Variants in DTD1 observed in about 807,000 individuals in gnomAD.
DTD1 encodes the protein D-tyrosyl-tRNA deacylase 1 homolog.
In DTD1, 13 loss-of-function variants were observed where a neutral mutation model predicts 25.6. The ratio of observed to expected loss-of-function variants is 0.51; its 90% CI spans 0.33 to 0.81. The LOEUF is 0.81. DTD1 is among the 30% of genes least tolerant of loss of function. The pLI is 0.02. For synonymous variants in DTD1, 110 were observed against 103.6 expected, an observed-to-expected ratio of 1.06 and a Z score of -0.37; for missense variants, 193 against 266.4, an observed-to-expected ratio of 0.72 and a Z score of 1.92.
At chr20:18,730,120 T>C (rs1376148106) in intron 4 of DTD1, among the ~76,000 whole-genome samples, 1 of 152,164 alleles carries the variant, frequency 6.6e-6, no homozygotes, top group African/African-American at 2.4e-5. Flanking sequence ...TGGTTTTTGT[T>C]TACTGCAGCC....
At chr20:18,639,864 TCA>T (rs1234573986) in intron 4 of DTD1, among the ~76,000 whole-genome samples, 1 of 152,174 alleles carries the variant, frequency 6.6e-6, no homozygotes, top group Non-Finnish European at 1.5e-5. Flanking sequence ...AACATGATAC[TCA>T]CATAATATCC....
intron 3 of DTD1, among the ~76,000 whole-genome samples, chr20:18,624,496 T>C (rs2060749427): frequency 6.6e-6 from 1 of 152,120 alleles, no homozygotes; most frequent in Admixed American, 6.5e-5. Context: ...AGAAGCCACC[T>C]CCCCTGCTGT....
chr20:18,726,625 T>C (rs930512926), intron 4 of DTD1, among the ~76,000 whole-genome samples: 1 of 152,214 alleles, frequency 6.6e-6, no homozygotes, highest in Non-Finnish European at 1.5e-5. Flanking sequence ...CTAGGAATTC[T>C]ACTCCTTGTT....
Position 18,758,196 on chromosome 20 carries a change from A to G in DTD1, c.*20-5164A>G, listed in dbSNP as rs1264629856. Among the ~76,000 whole-genome samples, 4 of 151,836 alleles carry G rather than the reference A, an allele frequency of 2.6e-5. No individual in the cohort carries two copies. In the South Asian group the frequency reaches 6.2e-4, roughly 24 times the overall value. The stretch of plus-strand genomic sequence containing the variant: ...TATTAGTCTTGCTAGCGGTCTATCA[A>G]TTTTGTTGATCTTTTCAAAAAACCA... On this transcript the variant is annotated intron_variant, in intron 5 of 5. Transcript: ENST00000377452.
chr20:18,754,056 TA>T (rs1022307586), intron 5 of DTD1, among the ~76,000 whole-genome samples: 153 of 145,980 alleles, frequency 1.0e-3, no homozygotes, highest in Middle Eastern at 3.5e-3. Context: ...AATAAATAGG[TA>T]AAAAAAAAAA....
chr20:18,626,243 C>G (rs151107733), intron 3 of DTD1, among the ~76,000 whole-genome samples: 1 of 152,068 alleles, frequency 6.6e-6, no homozygotes, highest in Admixed American at 6.6e-5. Context: ...AACTGGGGCC[C>G]GGAGAGGTGG....
rs35791362 is a variant in DTD1 at position 18,654,798 on chromosome 20, TA to T, written c.477+26577del. On this transcript the variant is annotated intron_variant, in intron 4 of 5. Coordinates refer to ENST00000377452, the MANE Select transcript of DTD1 (RefSeq NM_080820.6). ...ATCTATTCAACCTGAGAAAGCTCAT[TA>T]AAAAAAAAAAATCTGTTGAATAAAA... Among the ~76,000 whole-genome samples the T allele has an allele frequency of 6.0e-3, 908 of 150,144 alleles. 11 individuals are homozygous for T. The highest frequency in any genetic ancestry group is 0.02 in the African/African-American group (818 of 40,998).
rs969841935 is a variant in DTD1 at position 18,628,341 on chromosome 20, G to A, written c.477+108G>A. 22 of 841,266 alleles carry A rather than the reference G, an allele frequency of 2.6e-5. No homozygotes were observed. The East Asian group carries it at 5.6e-4, about 21-fold the overall frequency. 52.1% of individuals were successfully genotyped at this position (841,266 alleles called of 1,614,324 possible). A position where few individuals can be genotyped will look rare whatever the true frequency, so the allele number is the denominator to read the frequency against. On this transcript the variant is annotated intron_variant, in intron 4 of 5. Coordinates refer to ENST00000377452, the MANE Select transcript of DTD1 (RefSeq NM_080820.6). ...GGAAATACATCATTGTTGCAACGTTGTATTTATTTTAATACCTGCCTTCCC... is the reference window on the plus strand; with the variant it reads ...GGAAATACATCATTGTTGCAACGTTATATTTATTTTAATACCTGCCTTCCC...
chr20:18,588,748 A>G (rs2060576617), intron 1 of DTD1: 8 of 985,070 alleles, frequency 8.1e-6, no homozygotes, highest in African/African-American at 1.7e-5. Flanking sequence ...TAAAGAATTC[A>G]AGATGAAAAC....
intron 4 of DTD1, among the ~76,000 whole-genome samples, chr20:18,642,624 TCC>T (rs770020921): frequency 2.0e-5 from 3 of 152,086 alleles, no homozygotes; most frequent in Non-Finnish European, 2.9e-5. Flanking sequence ...AAGGATCGAC[TCC>T]CAGGAAGACC....
chr20:18,682,806 A>G (rs2061002766), intron 4 of DTD1, among the ~76,000 whole-genome samples: 1 of 152,246 alleles, frequency 6.6e-6, no homozygotes, highest in Admixed American at 6.5e-5. Context: ...TCTTATGGGC[A>G]TCAACATGTC....
intron 5 of DTD1, among the ~76,000 whole-genome samples, chr20:18,751,193 CAACAT>C (rs1255382533): frequency 6.6e-6 from 1 of 152,154 alleles, no homozygotes; most frequent in Non-Finnish European, 1.5e-5. Flanking sequence ...TTCCCTGTAT[CAACAT>C]TTGTACCACA....
At chr20:18,742,465 T>C (rs2061282108) in intron 4 of DTD1, among the ~76,000 whole-genome samples, 1 of 152,104 alleles carries the variant, frequency 6.6e-6, no homozygotes, top group African/African-American at 2.4e-5. Context: ...GAACGAGCAT[T>C]ATCACCTGAG....
chr20:18,738,166 A>C (rs554481218), intron 4 of DTD1, among the ~76,000 whole-genome samples: 1 of 152,330 alleles, frequency 6.6e-6, no homozygotes, highest in African/African-American at 2.4e-5. Flanking sequence ...TTAACTGCTA[A>C]GTGAAGTTAA....
At chr20:18,697,489 T>C (rs1017729918) in intron 4 of DTD1, among the ~76,000 whole-genome samples, 8 of 152,208 alleles carry the variant, frequency 5.3e-5, no homozygotes, top group African/African-American at 1.9e-4. Context: ...TGTTTTGGAT[T>C]TTTTAAGATT....
intron 3 of DTD1, chr20:18,610,922 A>G (rs944856575): frequency 1.1e-4 from 8 of 75,528 alleles, no homozygotes; most frequent in African/African-American, 2.8e-4. Flanking sequence ...AAAACAAAAC[A>G]AAAAACACCA....
intron 3 of DTD1, among the ~76,000 whole-genome samples, chr20:18,617,419 T>A (rs1175264890): frequency 6.6e-6 from 1 of 151,154 alleles, no homozygotes; most frequent in Non-Finnish European, 1.5e-5. Flanking sequence ...TGTGACCATA[T>A]ATATGAGGGT....
At position 18,765,532 on chromosome 20, in the gene DTD1, C is replaced by G. The variant is rs1303421327; in HGVS notation, c.*2192C>G. The G allele has an allele frequency of 6.6e-6, 1 of 152,156 alleles. No homozygotes were observed. Among genetic ancestry groups the G allele is most frequent in the Non-Finnish European group, 1.5e-5 (1 of 68,042 alleles). The allele number at this position is 152,156 out of a possible 1,614,324, so 9.4% of individuals were successfully genotyped here. ...GAAAATCACTTTCAACTCCTGGGAT[C>G]AGAGAAATAGCAGTGAATACACCGA... On this transcript the variant is annotated 3_prime_UTR_variant, in exon 6 of 6. Coordinates refer to ENST00000377452, the MANE Select transcript of DTD1 (RefSeq NM_080820.6).
At chr20:18,662,153 T>TA (rs1207796547) in intron 4 of DTD1, among the ~76,000 whole-genome samples, 1 of 151,962 alleles carries the variant, frequency 6.6e-6, no homozygotes, top group Non-Finnish European at 1.5e-5. Context: ...CCCCATTTCT[T>TA]AAAAAAAAGT....
Sources: allele counts gnomAD v4.1 joint callset (sites outside exome capture counted in the v4.1 genomes callset), GRCh38; gene constraint gnomAD v4.1.1; transcripts MANE v1.5; gene names NCBI Gene and HGNC (gene_info 2026-07-23, HGNC 2026-07-21).